The following DLG2 variants were observed in gnomAD, a reference collection of about 807,000 sequenced individuals.
DLG2 encodes the protein discs large MAGUK scaffold protein 2.
A neutral mutation model predicts 132.5 loss-of-function variants in DLG2; 45 were observed. The ratio of observed to expected loss-of-function variants is 0.34; its 90% confidence interval spans 0.27 to 0.44. DLG2 has a LOEUF of 0.44. Among genes scored for constraint, DLG2 ranks in the 20% least tolerant of loss-of-function variants. DLG2 has a pLI of 1.00. For synonymous variants in DLG2, 424 were observed against 419.6 expected (o/e 1.01, Z -0.13); for missense variants, 1,045 against 1,196.9 (o/e 0.87, Z 1.87).
chr11:84,699,658 A>T (rs183825699), intron 6 of DLG2, among the ~76,000 whole-genome samples: 4 of 151,522 alleles, frequency 2.6e-5, no homozygotes, highest in African/African-American at 9.7e-5. Flanking sequence ...TTGCTTTCTA[A>T]CTCTTCCATT....
rs2068712381 is a variant in DLG2 at position 85,091,185 on chromosome 11, T to C, written c.357+20476A>G. On this transcript the variant is annotated intron_variant, in intron 6 of 27. Coordinates refer to ENST00000376104, the MANE Select transcript of DLG2 (RefSeq NM_001142699.3). ...TTGCGGGAGATAAACATTCAAACTA[T>C]GCCACCAGTGCATATAAAAGTTACA... Among the ~76,000 whole-genome samples the C allele has an allele frequency of 1.3e-5, 2 of 152,338 alleles. 1 individual carries two copies. Among genetic ancestry groups the C allele is most frequent in the East Asian group, 3.9e-4 (2 of 5,188 alleles).
intron 18 of DLG2, among the ~76,000 whole-genome samples, chr11:83,737,158 G>T (rs377122261): frequency 6.6e-6 from 1 of 152,114 alleles, no homozygotes; most frequent in Admixed American, 6.6e-5. Flanking sequence ...AGAACAAAAG[G>T]GTTTAGAAGA....
At chr11:84,050,461 T>G (rs1182140278) in intron 11 of DLG2, among the ~76,000 whole-genome samples, 1 of 152,024 alleles carries the variant, frequency 6.6e-6, no homozygotes, top group Admixed American at 6.6e-5. Flanking sequence ...TCTCCCATTC[T>G]GTAGGTTGCC....
chr11:85,416,112 C>T (rs996383339), intron 3 of DLG2, among the ~76,000 whole-genome samples: 3 of 152,176 alleles, frequency 2.0e-5, no homozygotes, highest in African/African-American at 7.2e-5. Flanking sequence ...TTCCCAACAC[C>T]ACTTATTAAA....
intron 6 of DLG2, among the ~76,000 whole-genome samples, chr11:84,961,941 C>T (rs1264718355): frequency 2.6e-5 from 4 of 152,210 alleles, no homozygotes; most frequent in Admixed American, 2.6e-4. Context: ...CCCACCCCAG[C>T]CCCACTCCCA....
intron 18 of DLG2, among the ~76,000 whole-genome samples, chr11:83,768,087 G>A (rs1593996365): frequency 6.6e-6 from 1 of 152,086 alleles, no homozygotes; most frequent in Non-Finnish European, 1.5e-5. Flanking sequence ...GGACTAGCGA[G>A]ATAATGCACA....
At chr11:85,469,980 A>G (rs2092928628) in intron 3 of DLG2, among the ~76,000 whole-genome samples, 1 of 152,140 alleles carries the variant, frequency 6.6e-6, no homozygotes. Context: ...ACTTTAGCCT[A>G]CAAGGCTCTA....
At chr11:85,228,649 CTTCT>C (rs2075117424) in intron 4 of DLG2, among the ~76,000 whole-genome samples, 1 of 151,872 alleles carries the variant, frequency 6.6e-6, no homozygotes, top group Non-Finnish European at 1.5e-5. Flanking sequence ...CAGCTTTTCT[CTTCT>C]TTTTTTGATG....
intron 19 of DLG2, among the ~76,000 whole-genome samples, chr11:83,621,142 A>G (rs1251930654): frequency 6.6e-6 from 1 of 152,188 alleles, no homozygotes; most frequent in Non-Finnish European, 1.5e-5. Flanking sequence ...TCTCTTCTAG[A>G]AAATGATGGC....
chr11:84,725,086 T>C (rs1197484849), intron 6 of DLG2, among the ~76,000 whole-genome samples: 2 of 152,140 alleles, frequency 1.3e-5, no homozygotes, highest in African/African-American at 4.8e-5. Context: ...GAGAGAATAT[T>C]GATAACAGTA....
intron 6 of DLG2, among the ~76,000 whole-genome samples, chr11:84,700,845 G>T (rs553573451): frequency 1.3e-5 from 2 of 151,520 alleles, no homozygotes; most frequent in Non-Finnish European, 3.0e-5. Flanking sequence ...TTGGTTTCTG[G>T]CTACCCTGAC....
chr11:85,038,332 C>G (rs955143402), intron 6 of DLG2, among the ~76,000 whole-genome samples: 1 of 151,918 alleles, frequency 6.6e-6, no homozygotes, highest in East Asian at 1.9e-4. Context: ...AATACAACAA[C>G]GTTTTGACAG....
chr11:85,507,813 G>T (rs1565606585), intron 3 of DLG2, among the ~76,000 whole-genome samples: 1 of 152,110 alleles, frequency 6.6e-6, no homozygotes, highest in Non-Finnish European at 1.5e-5. Flanking sequence ...TTCCAACTTG[G>T]TTCCGTTCTC....
chr11:83,924,583 C>T (rs2078595350), intron 15 of DLG2, among the ~76,000 whole-genome samples: 1 of 152,116 alleles, frequency 6.6e-6, no homozygotes, highest in African/African-American at 2.4e-5. Flanking sequence ...CCAACCCTAC[C>T]ATTCATCTCC....
At chr11:83,902,322 T>C (rs951887169) in intron 15 of DLG2, among the ~76,000 whole-genome samples, 1 of 152,136 alleles carries the variant, frequency 6.6e-6, no homozygotes, top group African/African-American at 2.4e-5. Flanking sequence ...CATTGGAAAA[T>C]AAAAGTTTAG....
At chr11:83,629,256 T>C (rs1340401097) in intron 19 of DLG2, among the ~76,000 whole-genome samples, 3 of 152,210 alleles carry the variant, frequency 2.0e-5, no homozygotes, top group African/African-American at 7.2e-5. Context: ...GTGTCCATTA[T>C]AGGTCCTGGC....
At chr11:84,487,067 A>G (rs2099152881) in intron 7 of DLG2, among the ~76,000 whole-genome samples, 2 of 152,180 alleles carry the variant, frequency 1.3e-5, no homozygotes, top group South Asian at 4.1e-4. Context: ...AGAAATGTCT[A>G]GCGGTCATAG....
intron 8 of DLG2, chr11:84,166,923 T>G (rs748027391): frequency 1.9e-6 from 1 of 533,262 alleles, no homozygotes; most frequent in South Asian, 1.4e-5. Context: ...TTTTTTTTCT[T>G]GTACAGTAAC....
intron 7 of DLG2, among the ~76,000 whole-genome samples, chr11:84,355,749 A>G (rs12286690): frequency 0.23 from 34,260 of 152,058 alleles, 5,495 homozygotes; most frequent in African/African-American, 0.45. Flanking sequence ...CAAAGCCACT[A>G]AAGATTTGAA....
Sources: allele counts gnomAD v4.1 joint callset (sites outside exome capture counted in the v4.1 genomes callset), GRCh38; gene constraint gnomAD v4.1.1; transcripts MANE v1.5; gene names NCBI Gene and HGNC (gene_info 2026-07-23, HGNC 2026-07-21).